The following RIMKLB variants were observed in gnomAD, a reference collection of about 807,000 sequenced individuals.
RIMKLB encodes the protein beta-citrylglutamate synthase B.
RIMKLB carries 7 observed loss-of-function variants against 32.0 expected under a neutral mutation model. That is an observed-to-expected ratio of 0.22 (90% CI 0.12 to 0.41). The LOEUF is 0.41. RIMKLB is among the 10% of genes least tolerant of loss of function. The probability of loss-of-function intolerance (pLI) is 1.00; values close to 1 mark genes in which losing one functional copy is unlikely to be tolerated. For synonymous variants in RIMKLB, 172 were observed against 185.1 expected (o/e 0.93, Z 0.57); for missense variants, 289 against 498.7 (o/e 0.58, Z 4.00).
Position 8,774,565 on chromosome 12 carries a change from A to G in RIMKLB, c.*781A>G. The G allele has an allele frequency of 1.0e-5, 10 of 972,930 alleles. No individual in the cohort carries two copies. Among genetic ancestry groups the G allele is most frequent in the Non-Finnish European group, 1.2e-5 (10 of 821,842 alleles). The allele number at this position is 972,930 out of a possible 1,614,324, so 60.3% of individuals were successfully genotyped here. A position where few individuals can be genotyped will look rare whatever the true frequency, so the allele number is the denominator to read the frequency against. Reference sequence around the variant, plus strand: ...TCTTTTTTGAAAGATGTGCTCTGTTAATGTTGCTTTTTTTTTTTTTTTTAA... The same window carrying G: ...TCTTTTTTGAAAGATGTGCTCTGTTGATGTTGCTTTTTTTTTTTTTTTTAA... On this transcript the variant is annotated 3_prime_UTR_variant, in exon 6 of 6. Transcript: ENST00000535829.
intron 7 of RIMKLB, among the ~76,000 whole-genome samples, chr12:8,782,719 A>ATATC (rs1038043489): frequency 1.3e-5 from 2 of 152,184 alleles, no homozygotes; most frequent in African/African-American, 4.8e-5. Context: ...GAATCAGAGT[A>ATATC]TATCTTTGTT....
chr12:8,681,346 A>G (rs1203489034), upstream of RIMKLB, among the ~76,000 whole-genome samples: 1 of 152,198 alleles, frequency 6.6e-6, no homozygotes, highest in African/African-American at 2.4e-5. Flanking sequence ...TATGTTGAAT[A>G]AGTGTGGTAT....
chr12:8,724,020 T>TTTTA (rs1010640119), intron 2 of RIMKLB, among the ~76,000 whole-genome samples: 1 of 151,830 alleles, frequency 6.6e-6, no homozygotes, highest in Non-Finnish European at 1.5e-5. Flanking sequence ...TTTTATGGAG[T>TTTTA]TGGGGTTTTG....
chr12:8,754,193 G>A, intron 5 of RIMKLB, 100 bp downstream of exon 5: 1 of 823,930 alleles, frequency 1.2e-6, no homozygotes, highest in Non-Finnish European at 2.0e-6. Flanking sequence ...TTAATAAGTT[G>A]AAAAACGTAT....
intron 2 of RIMKLB, among the ~76,000 whole-genome samples, chr12:8,725,455 T>G (rs1284109181): frequency 6.6e-6 from 1 of 152,112 alleles, no homozygotes; most frequent in African/African-American, 2.4e-5. Flanking sequence ...TTTTTGTGTT[T>G]GTAGTAGAGA....
chr12:8,777,651 T>C (rs1284285378), downstream of RIMKLB: 9 of 1,289,390 alleles, frequency 7.0e-6, no homozygotes, highest in Middle Eastern at 2.1e-4. Context: ...GAAAAAACTT[T>C]CCTTCTTCCC....
chr12:8,721,438 G>A (rs770187794), intron 2 of RIMKLB, among the ~76,000 whole-genome samples: 1 of 152,016 alleles, frequency 6.6e-6, no homozygotes, highest in East Asian at 1.9e-4. Context: ...AATCTTTGTC[G>A]TCATTTCAAC....
intron 2 of RIMKLB, among the ~76,000 whole-genome samples, chr12:8,735,529 C>G (rs1946919615): frequency 6.6e-6 from 1 of 151,494 alleles, no homozygotes; most frequent in Admixed American, 6.6e-5. Flanking sequence ...TGTGCTCAGC[C>G]TAAATTTTTT....
At chr12:8,741,826 C>A (rs1947565080) in intron 2 of RIMKLB, among the ~76,000 whole-genome samples, 1 of 151,854 alleles carries the variant, frequency 6.6e-6, no homozygotes, top group South Asian at 2.1e-4. Flanking sequence ...ATCAGTTATA[C>A]CCCAGACCTC....
upstream of RIMKLB, among the ~76,000 whole-genome samples, chr12:8,694,387 A>ATTTTTTTTTTTT (rs769859426): frequency 1.7e-3 from 205 of 119,060 alleles, 25 homozygotes; most frequent in African/African-American, 6.3e-3. Context: ...ATCCTGTTGA[A>ATTTTTTTTTTTT]TTTTTTTTCT....
At chr12:8,684,253 A>T (rs1003481713) in intron 1 of RIMKLB, among the ~76,000 whole-genome samples, 1 of 151,600 alleles carries the variant, frequency 6.6e-6, no homozygotes, top group Admixed American at 6.6e-5. Context: ...TGCTCACTGC[A>T]ACCTCTGCCT....
At chr12:8,748,682 G>A in intron 2 of RIMKLB, among the ~76,000 whole-genome samples, 1 of 151,398 alleles carries the variant, frequency 6.6e-6, no homozygotes, top group Admixed American at 6.6e-5. Context: ...GGTGGCTCAT[G>A]CCTGTAAGCA....
chr12:8,765,500 A>G (rs1210406666), intron 5 of RIMKLB, among the ~76,000 whole-genome samples: 1 of 152,184 alleles, frequency 6.6e-6, no homozygotes, highest in Non-Finnish European at 1.5e-5. Context: ...CAGTAACATT[A>G]TATCTCTCCA....
At chr12:8,739,951 A>G (rs1947347590) in intron 2 of RIMKLB, among the ~76,000 whole-genome samples, 1 of 152,134 alleles carries the variant, frequency 6.6e-6, no homozygotes, top group Admixed American at 6.6e-5. Flanking sequence ...TCTGTCACCC[A>G]GGCTGGGGGT....
chr12:8,762,199 G>A (rs1175429168), intron 5 of RIMKLB, among the ~76,000 whole-genome samples: 1 of 152,132 alleles, frequency 6.6e-6, no homozygotes, highest in African/African-American at 2.4e-5. Flanking sequence ...GCAAGGAGGA[G>A]GTGCAGCGAG....
intron 5 of RIMKLB, among the ~76,000 whole-genome samples, chr12:8,765,467 T>C (rs1293689612): frequency 6.6e-6 from 1 of 152,118 alleles, no homozygotes; most frequent in Non-Finnish European, 1.5e-5. Flanking sequence ...CCTTCTCTCA[T>C]TTGGTGTTAG....
intron 1 of RIMKLB, among the ~76,000 whole-genome samples, chr12:8,708,986 A>G (rs1222600430): frequency 6.6e-6 from 1 of 152,204 alleles, no homozygotes; most frequent in Non-Finnish European, 1.5e-5. Flanking sequence ...TGGAGGAAAT[A>G]AAGAGAGGAT....
At chr12:8,738,214 G>A (rs184142411) in intron 2 of RIMKLB, among the ~76,000 whole-genome samples, 6 of 152,216 alleles carry the variant, frequency 3.9e-5, no homozygotes, top group Admixed American at 2.0e-4. Context: ...GCTAAGTTTT[G>A]TATTTTTTTG....
At chr12:8,749,438 T>C (rs1948439998) in intron 2 of RIMKLB, among the ~76,000 whole-genome samples, 1 of 152,240 alleles carries the variant, frequency 6.6e-6, no homozygotes, top group African/African-American at 2.4e-5. Context: ...CTTGATCTCT[T>C]GACCTCGTGA....
Sources: allele counts gnomAD v4.1 joint callset (sites outside exome capture counted in the v4.1 genomes callset), GRCh38; gene constraint gnomAD v4.1.1; transcripts MANE v1.5; gene names NCBI Gene and HGNC (gene_info 2026-07-23, HGNC 2026-07-21).